The following NTN4 variants were observed in gnomAD, a reference collection of about 807,000 sequenced individuals.
The protein encoded by NTN4 is netrin-4.
NTN4 carries 32 observed loss-of-function variants against 73.6 expected under a neutral mutation model. That is an observed-to-expected ratio of 0.44 (90% CI 0.33 to 0.58). NTN4 has a LOEUF of 0.58. Ranked by LOEUF, NTN4 falls within the 20% of genes least tolerant of loss-of-function variation. The probability of loss-of-function intolerance (pLI) is 0.04; values close to 1 mark genes in which losing one functional copy is unlikely to be tolerated. For synonymous variants in NTN4, 258 were observed against 287.5 expected, an observed-to-expected ratio of 0.90 and a Z score of 1.04; for missense variants, 654 against 798.3, an observed-to-expected ratio of 0.82 and a Z score of 2.18.
intron 5 of NTN4, among the ~76,000 whole-genome samples, chr12:95,698,522 T>C (rs998862629): frequency 1.3e-5 from 2 of 152,158 alleles, no homozygotes; most frequent in Non-Finnish European, 2.9e-5. Context: ...CCACTTCTCT[T>C]CCCAAATGTG....
chr12:95,672,302 G>A (rs2078238700), intron 7 of NTN4: 4 of 773,404 alleles, frequency 5.2e-6, no homozygotes, highest in African/African-American at 3.4e-5. Flanking sequence ...CAAGCCCGCC[G>A]CCATGGCCGC....
rs557177707 is a variant in NTN4 at position 95,789,386 on chromosome 12, C to A, written c.55+869G>T. Reference sequence around the variant, plus strand: ...ACGAGAGACTGGATGTCTGCAGACTCCCTCACATCTCTCCCCCTCACCTAC... The same window carrying A: ...ACGAGAGACTGGATGTCTGCAGACTACCTCACATCTCTCCCCCTCACCTAC... On this transcript the variant is annotated intron_variant, in intron 1 of 9. Coordinates refer to ENST00000343702, the MANE Select transcript of NTN4 (RefSeq NM_021229.4). The surrounding 1 kb of genome is among the most constrained non-coding windows in gnomAD (Gnocchi z 4.0). 1.2e-4 allele frequency among the ~76,000 whole-genome samples: 18 copies of A among 152,326 alleles called. No homozygotes were observed. Among genetic ancestry groups the A allele is most frequent in the African/African-American group, 4.1e-4 (17 of 41,576 alleles).
chr12:95,684,505 G>T (rs977272655), intron 5 of NTN4, among the ~76,000 whole-genome samples: 6 of 150,782 alleles, frequency 4.0e-5, no homozygotes, highest in Non-Finnish European at 7.4e-5. Context: ...GCAAGGTCTT[G>T]CTATGTTGCC....
chr12:95,683,734 G>T (rs370161031), intron 5 of NTN4, 23 bp from the exon 6 acceptor site: 3 of 1,561,022 alleles, frequency 1.9e-6, no homozygotes, highest in South Asian at 1.2e-5. Context: ...GGACACGCAA[G>T]GATCAAAGAC....
In NTN4 at chr12:95,786,982, C is replaced by T. The variant is rs753478752; in HGVS notation, c.542G>A (p.Cys181Tyr). The change falls in exon 2 of 10, where the codon TGT (cysteine) becomes TAT (tyrosine). Residue 181 changes from cysteine (C) to tyrosine (Y), a missense_variant. Coordinates refer to ENST00000343702, the MANE Select transcript of NTN4 (RefSeq NM_021229.4). ...EDDVVKKGAI[C>Y]TSKYSSPFPC... ...AAAAGGACTGGAGTATTTAGAAGTACAAATAGCGCCCTTCTTGACAACATC... is the reference window on the plus strand; with the variant it reads ...AAAAGGACTGGAGTATTTAGAAGTATAAATAGCGCCCTTCTTGACAACATC... 1.2e-6 allele frequency: 2 copies of T among 1,614,182 alleles called. No homozygotes were observed. The highest frequency in any genetic ancestry group is 1.7e-6 in the Non-Finnish European group (2 of 1,180,028).
chr12:95,672,767 G>A (rs1239116189), intron 7 of NTN4: 5 of 1,338,048 alleles, frequency 3.7e-6, no homozygotes, highest in Non-Finnish European at 5.4e-6. Flanking sequence ...TCCTGTGAGA[G>A]TCTGAAGGAC....
chr12:95,790,400 G>T lies in NTN4; in HGVS notation c.-91C>A. Reference sequence around the variant, plus strand: ...CGGGATGAAGCGCCGCCGTCCTCGGGAGGGAACGGGGCCCTGGTTTCTTCC... The same window carrying T: ...CGGGATGAAGCGCCGCCGTCCTCGGTAGGGAACGGGGCCCTGGTTTCTTCC... On this transcript the variant is annotated 5_prime_UTR_variant, in exon 1 of 10. Coordinates refer to ENST00000343702, the MANE Select transcript of NTN4 (RefSeq NM_021229.4). This position sits in a 1 kb window ranked among gnomAD's most constrained non-coding sequence, Gnocchi z 6.5. 1 of 1,133,220 alleles carries T rather than the reference G, an allele frequency of 8.8e-7. No individual in the cohort carries two copies. The highest frequency in any genetic ancestry group is 1.2e-6 in the Non-Finnish European group (1 of 825,226). The allele number at this position is 1,133,220 out of a possible 1,614,324, so 70.2% of individuals were successfully genotyped here.
At chr12:95,719,522 G>A (rs2078631254) in intron 3 of NTN4, among the ~76,000 whole-genome samples, 3 of 152,084 alleles carry the variant, frequency 2.0e-5, no homozygotes, top group African/African-American at 4.8e-5. Context: ...CCCTTTTAGA[G>A]AAAAGGATTA....
intron 2 of NTN4, among the ~76,000 whole-genome samples, chr12:95,746,579 G>C (rs2078864747): frequency 6.6e-6 from 1 of 152,186 alleles, no homozygotes; most frequent in Non-Finnish European, 1.5e-5. Context: ...GCCTCAGGTA[G>C]TTTTCTTGCA....
chr12:95,687,917 G>C (rs1414465490), intron 5 of NTN4, among the ~76,000 whole-genome samples: 1 of 152,106 alleles, frequency 6.6e-6, no homozygotes, highest in South Asian at 2.1e-4. Flanking sequence ...AGCCCATGTG[G>C]GGAATGTGAG....
At chr12:95,686,530 G>A (rs1188712863) in intron 5 of NTN4, among the ~76,000 whole-genome samples, 2 of 151,564 alleles carry the variant, frequency 1.3e-5, no homozygotes, top group South Asian at 2.1e-4. Context: ...CGGCTGAGGC[G>A]GGTGGATCAC....
chr12:95,754,279 A>G (rs968129412), intron 2 of NTN4, among the ~76,000 whole-genome samples: 2 of 151,240 alleles, frequency 1.3e-5, no homozygotes, highest in African/African-American at 4.9e-5. Flanking sequence ...CTTACCACAA[A>G]ATCTTCCTTC....
intron 3 of NTN4, among the ~76,000 whole-genome samples, chr12:95,715,077 G>A (rs2078595724): frequency 6.6e-6 from 1 of 152,136 alleles, no homozygotes; most frequent in Admixed American, 6.5e-5. Context: ...CAAGTGGCCT[G>A]TGCAATTATC....
intron 1 of NTN4, among the ~76,000 whole-genome samples, chr12:95,788,832 C>A (rs867255530): frequency 7.9e-5 from 12 of 152,328 alleles, no homozygotes; most frequent in South Asian, 2.1e-4. Context: ...CACAAACACA[C>A]AATGTGCTAT....
chr12:95,785,897 A>C (rs1338301147), intron 2 of NTN4, among the ~76,000 whole-genome samples: 1 of 152,100 alleles, frequency 6.6e-6, no homozygotes, highest in African/African-American at 2.4e-5. Context: ...GAGCTAGATA[A>C]TTTTTGGTTG....
At chr12:95,666,402 C>T (rs551709310) in intron 8 of NTN4, among the ~76,000 whole-genome samples, 1 of 152,104 alleles carries the variant, frequency 6.6e-6, no homozygotes, top group Admixed American at 6.6e-5. Context: ...ACCACCTGTT[C>T]CCCCAAAACT....
intron 9 of NTN4, chr12:95,663,406 C>T (rs146916438): frequency 5.9e-5 from 9 of 152,256 alleles, no homozygotes; most frequent in South Asian, 2.1e-4. Context: ...TCTGAGAACA[C>T]GAAGTTTATT....
chr12:95,763,968 T>C (rs1318053607), intron 2 of NTN4, among the ~76,000 whole-genome samples: 1 of 152,248 alleles, frequency 6.6e-6, no homozygotes, highest in Non-Finnish European at 1.5e-5. Flanking sequence ...GTCATTATTT[T>C]GGGAGGTGAG....
chr12:95,771,439 T>C (rs1006319213), intron 2 of NTN4, among the ~76,000 whole-genome samples: 1 of 152,126 alleles, frequency 6.6e-6, no homozygotes, highest in Non-Finnish European at 1.5e-5. Flanking sequence ...AATTAGAAGA[T>C]GAATAAATTT....
Sources: gnomAD v4.1 joint callset for allele counts (sites outside exome capture counted in the v4.1 genomes callset) on GRCh38, gnomAD v4.1.1 for gene constraint, Gnocchi (gnomAD v3.1) non-coding constraint, MANE v1.5 for transcripts, NCBI Gene and HGNC (gene_info 2026-07-23, HGNC 2026-07-21) for gene names.